The following LRRC4C variants were observed in gnomAD, a reference collection of about 807,000 sequenced individuals.
LRRC4C encodes leucine-rich repeat-containing protein 4C.
Under a neutral mutation model 33.6 loss-of-function variants are expected in LRRC4C, and 5 were observed. The observed-to-expected ratio is 0.15, with a 90% CI of 0.08 to 0.31. The LOEUF (loss-of-function observed/expected upper bound fraction) is 0.31, where lower values mean the gene tolerates loss of function less well. Ranked by LOEUF, LRRC4C falls within the 10% of genes least tolerant of loss-of-function variation. LRRC4C has a pLI of 1.00. For synonymous variants in LRRC4C, 329 were observed against 302.0 expected (o/e 1.09, Z -0.93); for missense variants, 560 against 796.7 (o/e 0.70, Z 3.58).
chr11:41,038,956 T>G (rs1857256518), intron 1 of LRRC4C, among the ~76,000 whole-genome samples: 1 of 152,204 alleles, frequency 6.6e-6, no homozygotes, highest in Non-Finnish European at 1.5e-5. Context: ...CTTGTCAATT[T>G]TTGTTTTTGT....
chr11:41,117,036 AAC>A (rs1942168625), intron 1 of LRRC4C, among the ~76,000 whole-genome samples: 2 of 152,044 alleles, frequency 1.3e-5, no homozygotes, highest in African/African-American at 4.8e-5. Flanking sequence ...TAGAATGTCT[AAC>A]AGTTTGTACT....
chr11:40,943,305 G>T (rs1477670872), intron 1 of LRRC4C, among the ~76,000 whole-genome samples: 1 of 152,184 alleles, frequency 6.6e-6, no homozygotes, highest in Non-Finnish European at 1.5e-5. Context: ...GCAAAGTGAT[G>T]CTTAAGTAAC....
At chr11:40,887,025 A>C (rs10768641) in intron 2 of LRRC4C, among the ~76,000 whole-genome samples, 143,498 of 149,328 alleles carry the variant, frequency 0.96, 69,221 homozygotes, top group East Asian at 1. Flanking sequence ...CACATACGAG[A>C]AAATATATAT....
rs112112902 is a variant in LRRC4C at position 40,261,750 on chromosome 11, A to G, written c.-175-20152T>C. Among the ~76,000 whole-genome samples the G allele has an allele frequency of 3.9e-4, 59 of 152,064 alleles. 2 individuals are homozygous for G. The highest frequency in any genetic ancestry group is 1.3e-3 in the African/African-American group (56 of 41,522). On this transcript the variant is annotated intron_variant, in intron 4 of 6. Transcript: ENST00000528697. ...ACAAGCAATGGGGAAAGGATTCCCTATTTAATAAATGGTGTTGGGAGAACT... is the reference window on the plus strand; with the variant it reads ...ACAAGCAATGGGGAAAGGATTCCCTGTTTAATAAATGGTGTTGGGAGAACT...
chr11:40,698,333 CTG>C (rs1274301632), intron 2 of LRRC4C, among the ~76,000 whole-genome samples: 1 of 152,098 alleles, frequency 6.6e-6, no homozygotes, highest in Non-Finnish European at 1.5e-5. Context: ...TATATTGACA[CTG>C]AGGTTGAGGT....
chr11:40,722,594 C>A (rs1011833810), intron 2 of LRRC4C, among the ~76,000 whole-genome samples: 1 of 152,150 alleles, frequency 6.6e-6, no homozygotes, highest in South Asian at 2.1e-4. Flanking sequence ...AATATGAGAA[C>A]AAAGAGCCCC....
intron 3 of LRRC4C, among the ~76,000 whole-genome samples, chr11:40,554,549 G>A (rs116043821): frequency 0.03 from 4,619 of 151,994 alleles, 178 homozygotes; most frequent in African/African-American, 0.094. Flanking sequence ...GTTTGCTTTG[G>A]GCAGTATGGC....
intron 4 of LRRC4C, among the ~76,000 whole-genome samples, chr11:40,301,993 T>C (rs2136671834): frequency 6.6e-6 from 1 of 152,286 alleles, no homozygotes; most frequent in Non-Finnish European, 1.5e-5. Context: ...AATAAGTATG[T>C]ATAAAGAAAT....
intron 1 of LRRC4C, among the ~76,000 whole-genome samples, chr11:41,278,625 T>A (rs1312816462): frequency 1.3e-5 from 2 of 152,220 alleles, no homozygotes; most frequent in Non-Finnish European, 2.9e-5. Context: ...TCTGATTCAG[T>A]GGGTTTCACG....
chr11:40,169,007 A>T (rs1252246816), intron 5 of LRRC4C, among the ~76,000 whole-genome samples: 1 of 152,100 alleles, frequency 6.6e-6, no homozygotes, highest in Non-Finnish European at 1.5e-5. Flanking sequence ...TAATTATTGC[A>T]TAAGCAATTC....
At chr11:40,465,316 G>A (rs562888937) in intron 3 of LRRC4C, among the ~76,000 whole-genome samples, 116 of 152,040 alleles carry the variant, frequency 7.6e-4, no homozygotes, top group African/African-American at 9.4e-4. Flanking sequence ...ATCTCAAGAC[G>A]GATCAATGAC....
intron 1 of LRRC4C, among the ~76,000 whole-genome samples, chr11:41,456,214 G>C (rs886674639): frequency 6.6e-6 from 1 of 152,040 alleles, no homozygotes; most frequent in African/African-American, 2.4e-5. Flanking sequence ...CACAGTTTCA[G>C]CATCAGCTCA....
intron 1 of LRRC4C, among the ~76,000 whole-genome samples, chr11:40,984,191 G>A (rs957248678): frequency 1.4e-5 from 2 of 142,972 alleles, no homozygotes; most frequent in African/African-American, 5.2e-5. Context: ...AAGGAAGGAA[G>A]GAAGGTAGGA....
chr11:41,352,647 AT>A (rs1002086893), intron 1 of LRRC4C, among the ~76,000 whole-genome samples: 6 of 152,184 alleles, frequency 3.9e-5, no homozygotes, highest in Admixed American at 2.6e-4. Flanking sequence ...AGTTAAAAAA[AT>A]AAAATAAAAT....
intron 3 of LRRC4C, among the ~76,000 whole-genome samples, chr11:40,634,473 T>C (rs1200665880): frequency 6.6e-6 from 1 of 152,124 alleles, no homozygotes; most frequent in Non-Finnish European, 1.5e-5. Context: ...AATCAAATAT[T>C]TGAATATTAC....
At chr11:40,423,569 C>A (rs201262338) in intron 3 of LRRC4C, among the ~76,000 whole-genome samples, 194 of 152,044 alleles carry the variant, frequency 1.3e-3, no homozygotes, top group African/African-American at 4.6e-3. Flanking sequence ...TGGTCTCGAT[C>A]TCCTGACCTC....
chr11:41,320,847 C>A (rs1404546735), intron 1 of LRRC4C, among the ~76,000 whole-genome samples: 1 of 152,138 alleles, frequency 6.6e-6, no homozygotes, highest in Non-Finnish European at 1.5e-5. Flanking sequence ...AATCTACCTC[C>A]CAACACATTC....
At chr11:40,704,865 C>A (rs1442788971) in intron 2 of LRRC4C, among the ~76,000 whole-genome samples, 2 of 152,050 alleles carry the variant, frequency 1.3e-5, no homozygotes, top group African/African-American at 4.8e-5. Flanking sequence ...TGTATCAATT[C>A]TTTCTGTAAA....
intron 3 of LRRC4C, among the ~76,000 whole-genome samples, chr11:40,586,666 G>A (rs1266490712): frequency 6.7e-6 from 1 of 149,858 alleles, no homozygotes; most frequent in Non-Finnish European, 1.5e-5. Flanking sequence ...GTGTAAGGAA[G>A]GGATCCAGTT....
Sources: allele counts gnomAD v4.1 joint callset (sites outside exome capture counted in the v4.1 genomes callset), GRCh38; gene constraint gnomAD v4.1.1; transcripts MANE v1.5; gene names NCBI Gene and HGNC (gene_info 2026-07-23, HGNC 2026-07-21).